The following ANO6 variants were observed in gnomAD, a reference collection of about 807,000 sequenced individuals.
ANO6 encodes anoctamin 6.
A neutral mutation model predicts 117.5 loss-of-function variants in ANO6; 106 were observed. The ratio of observed to expected loss-of-function variants is 0.90; its 90% CI spans 0.77 to 1.06. ANO6 has a LOEUF of 1.06. ANO6 is among the 50% of genes least tolerant of loss of function. The pLI, the probability that ANO6 is intolerant of heterozygous loss-of-function variation, is 0.00. For missense variants in ANO6, 955 were observed against 1,121.1 expected (o/e 0.85, Z 2.12); for synonymous variants, 367 against 385.1 (o/e 0.95, Z 0.55).
intron 8 of ANO6, among the ~76,000 whole-genome samples, chr12:45,362,281 A>G (rs1941575631): frequency 6.6e-6 from 1 of 152,116 alleles, no homozygotes; most frequent in Non-Finnish European, 1.5e-5. Flanking sequence ...GTTGGCTTAT[A>G]ATTATGCATA....
intron 16 of ANO6, among the ~76,000 whole-genome samples, chr12:45,411,575 A>G (rs1197315085): frequency 1.3e-5 from 2 of 152,196 alleles, no homozygotes; most frequent in East Asian, 3.8e-4. Flanking sequence ...TCTCACCACC[A>G]CACAGTCCCC....
At chr12:45,310,284 T>G (rs1339525107) in intron 2 of ANO6, among the ~76,000 whole-genome samples, 2 of 152,120 alleles carry the variant, frequency 1.3e-5, no homozygotes, top group Admixed American at 1.3e-4. Context: ...AGACAAGACC[T>G]GCTAAAGCCA....
At chr12:45,242,695 G>T (rs540571623) in intron 1 of ANO6, among the ~76,000 whole-genome samples, 2 of 152,180 alleles carry the variant, frequency 1.3e-5, no homozygotes, top group South Asian at 4.2e-4. Context: ...GTTCCTATTC[G>T]GCCGTCTTGG....
chr12:45,226,893 G>A (rs1388411934), intron 1 of ANO6, among the ~76,000 whole-genome samples: 2 of 148,374 alleles, frequency 1.3e-5, no homozygotes, highest in African/African-American at 5.0e-5. Flanking sequence ...CAATTGCATT[G>A]TTTCTTCCTA....
chr12:45,234,288 G>A (rs1185846351), intron 1 of ANO6, among the ~76,000 whole-genome samples: 1 of 152,188 alleles, frequency 6.6e-6, no homozygotes, highest in Non-Finnish European at 1.5e-5. Flanking sequence ...TTGCACTGAT[G>A]AGTTTACTGA....
chr12:45,416,974 A>ATGTT, intron 17 of ANO6, 70 bp downstream of exon 17: 1 of 1,494,750 alleles, frequency 6.7e-7, no homozygotes, highest in East Asian at 2.3e-5. Flanking sequence ...AAGGAATCAA[A>ATGTT]TGTTTAGTGT....
chr12:45,253,744 A>C (rs988187410), intron 1 of ANO6, among the ~76,000 whole-genome samples: 2 of 152,234 alleles, frequency 1.3e-5, no homozygotes, highest in Non-Finnish European at 2.9e-5. Context: ...TTACATCCAA[A>C]GTTCTTCCCA....
intron 1 of ANO6, among the ~76,000 whole-genome samples, chr12:45,221,102 C>G (rs953707346): frequency 3.9e-5 from 6 of 152,050 alleles, no homozygotes; most frequent in African/African-American, 1.5e-4. Context: ...AATCTGAGCT[C>G]TGAGGCTTAC....
chr12:45,290,345 G>T, intron 1 of ANO6, among the ~76,000 whole-genome samples: 1 of 152,016 alleles, frequency 6.6e-6, no homozygotes. Context: ...TACTCTGATA[G>T]GTTAAGCATG....
At chr12:45,316,071 T>C (rs1487065919) in intron 2 of ANO6, among the ~76,000 whole-genome samples, 2 of 152,104 alleles carry the variant, frequency 1.3e-5, no homozygotes, top group Admixed American at 6.6e-5. Flanking sequence ...TTCTGTGAGG[T>C]GTAATGGAAT....
At chr12:45,294,530 A>G (rs1939224712) in intron 1 of ANO6, among the ~76,000 whole-genome samples, 1 of 152,200 alleles carries the variant, frequency 6.6e-6, no homozygotes, top group Non-Finnish European at 1.5e-5. Flanking sequence ...TGGGAAAGAC[A>G]GAGAACTGTA....
chr12:45,266,414 A>G (rs1033581148), intron 1 of ANO6, among the ~76,000 whole-genome samples: 2 of 152,224 alleles, frequency 1.3e-5, no homozygotes, highest in Non-Finnish European at 2.9e-5. Context: ...ATTAAAGTAT[A>G]AAAGATTAGG....
chr12:45,416,601 G>A (rs532656381), intron 16 of ANO6, 98 bp from the exon 17 acceptor site: 65 of 1,080,360 alleles, frequency 6.0e-5, no homozygotes, highest in Middle Eastern at 2.1e-4. Context: ...TTTCTCTCTG[G>A]GATTTAGTTC....
In ANO6 at chr12:45,409,673, A is replaced by G. The variant is rs115924962; in HGVS notation, c.2011+186A>G. ...AAGGTGGTCATGTATGTCTTTGTCA[A>G]TATTTATGTTGTAAAAAGCTAGAAA... On this transcript the variant is annotated intron_variant, in intron 16 of 19. Transcript: ENST00000320560. Among the ~76,000 whole-genome samples, 421 of 152,330 alleles carry G rather than the reference A, an allele frequency of 2.8e-3. 2 individuals carry two copies. Among genetic ancestry groups the G allele is most frequent in the African/African-American group, 9.8e-3 (406 of 41,576 alleles).
At chr12:45,436,018 A>C (rs1943703712), downstream of ANO6, among the ~76,000 whole-genome samples, 1 of 152,212 alleles carries the variant, frequency 6.6e-6, no homozygotes, top group Non-Finnish European at 1.5e-5. Context: ...GCCTACTATA[A>C]GTCAGACTTG....
At chr12:45,280,182 C>T (rs1269267309) in intron 1 of ANO6, among the ~76,000 whole-genome samples, 3 of 152,222 alleles carry the variant, frequency 2.0e-5, no homozygotes, top group Admixed American at 2.0e-4. Flanking sequence ...CCATCAAAGC[C>T]ATGTTTGAAA....
chr12:45,239,151 G>C (rs1947696831), intron 1 of ANO6, among the ~76,000 whole-genome samples: 1 of 151,724 alleles, frequency 6.6e-6, no homozygotes, highest in African/African-American at 2.4e-5. Context: ...GTAGAATTTG[G>C]CTGTGAATCC....
At chr12:45,356,716 G>A (rs1027312139) in intron 7 of ANO6, among the ~76,000 whole-genome samples, 6 of 152,080 alleles carry the variant, frequency 3.9e-5, no homozygotes, top group Non-Finnish European at 8.8e-5. Context: ...GGTGATGGGG[G>A]AAAGAGGTGG....
At position 45,235,172 on chromosome 12, in the gene ANO6, TCTC is replaced by T. The variant is rs1351106901; in HGVS notation, c.70+18787_70+18789del. Reference sequence around the variant, plus strand: ...AAGTCCTCTCCAATGTGGTGCTACTTCTCCTCCTTCCTGTAGCAGACTCTGGTT... The same window carrying T: ...AAGTCCTCTCCAATGTGGTGCTACTTCTCCTTCCTGTAGCAGACTCTGGTT... On this transcript the variant is annotated intron_variant, in intron 1 of 19. Transcript: ENST00000320560. Among the ~76,000 whole-genome samples the T allele has an allele frequency of 3.3e-5, 5 of 152,334 alleles. No individual in the cohort carries two copies. In the East Asian group the frequency reaches 9.6e-4, roughly 29 times the overall value.
Sources: allele counts gnomAD v4.1 joint callset (sites outside exome capture counted in the v4.1 genomes callset), GRCh38; gene constraint gnomAD v4.1.1; transcripts MANE v1.5; gene names NCBI Gene and HGNC (gene_info 2026-07-23, HGNC 2026-07-21).